Variants in DNAH17 observed in about 807,000 individuals in gnomAD.
DNAH17 encodes dynein axonemal heavy chain 17.
DNAH17 carries 376 observed loss-of-function variants against 485.6 expected under a neutral mutation model. The observed-to-expected ratio is 0.77, with a 90% CI of 0.71 to 0.84. The LOEUF is 0.84. DNAH17 is among the 40% of genes least tolerant of loss of function. The probability of loss-of-function intolerance (pLI) is 0.00; values close to 1 mark genes in which losing one functional copy is unlikely to be tolerated. For missense variants in DNAH17, 6,370 were observed against 5,839.3 expected (o/e 1.09, Z -2.96); for synonymous variants, 3,031 against 2,405.9 (o/e 1.26, Z -7.60).
At chr17:78,570,218 A>G in intron 7 of DNAH17, 29 bp downstream of exon 7, 1 of 1,558,534 alleles carries the variant, frequency 6.4e-7, no homozygotes, top group Non-Finnish European at 8.7e-7. Flanking sequence ...GAGGGGAGGA[A>G]GGGGACCCAG....
At chr17:78,575,460 G>A (rs958721372) in intron 1 of DNAH17, among the ~76,000 whole-genome samples, 2 of 152,202 alleles carry the variant, frequency 1.3e-5, no homozygotes, top group Admixed American at 6.5e-5. Context: ...GAGGCTGGGG[G>A]GTCAGGTTGA....
chr17:78,453,289 C>A, intron 65 of DNAH17, 54 bp downstream of exon 65: 1 of 1,597,644 alleles, frequency 6.3e-7, no homozygotes, highest in Non-Finnish European at 8.5e-7. Context: ...ACGCCCAGGC[C>A]TCGGGCCTGA....
rs371019592 is a variant in DNAH17 at position 78,430,247 on chromosome 17, CAT to C, written c.12226-949_12226-948del. On this transcript the variant is annotated intron_variant, in intron 75 of 80. Coordinates refer to ENST00000389840, the MANE Select transcript of DNAH17 (RefSeq NM_173628.4). ...CGGTGGGAGCCACGGATTGAGGCCA[CAT>C]GTGTCATTTTAAATTTTGTGGCAGC... Among the ~76,000 whole-genome samples the C allele has an allele frequency of 1.6e-3, 237 of 152,318 alleles. 1 individual carries two copies. Among genetic ancestry groups the C allele is most frequent in the African/African-American group, 4.9e-3 (204 of 41,564 alleles).
intron 24 of DNAH17, among the ~76,000 whole-genome samples, chr17:78,526,433 T>C (rs997108091): frequency 2.0e-5 from 3 of 152,064 alleles, no homozygotes; most frequent in Non-Finnish European, 4.4e-5. Flanking sequence ...GGGGACACCA[T>C]GTGGTCTGGG....
Position 78,562,180 on chromosome 17 carries a change from G to A in DNAH17, c.1570-200C>T, listed in dbSNP as rs192267907. Among the ~76,000 whole-genome samples, 11 of 152,304 alleles carry A rather than the reference G, an allele frequency of 7.2e-5. No individual in the cohort carries two copies. The East Asian group carries it at 9.6e-4, about 13-fold the overall frequency. ...TATGCTTTTCTCATTGACTTAGGCC[G>A]AGTCCCCAAATACTTGGCTTATAAT... is the stretch of plus-strand genomic sequence containing the variant. On this transcript the variant is annotated intron_variant, in intron 11 of 80. Transcript: ENST00000389840.
chr17:78,571,877 A>G, intron 3 of DNAH17, 95 bp from the exon 4 acceptor site: 2 of 1,227,904 alleles, frequency 1.6e-6, no homozygotes, highest in Non-Finnish European at 2.3e-6. Context: ...CCAATCCCAA[A>G]CCACCAGCAG....
intron 26 of DNAH17, among the ~76,000 whole-genome samples, chr17:78,513,793 C>T (rs2090701923): frequency 1.3e-5 from 2 of 152,134 alleles, no homozygotes; most frequent in South Asian, 4.1e-4. Context: ...AGCCAGGGAA[C>T]CTAAGATGGA....
At chr17:78,563,111 A>G (rs1224995356) in intron 11 of DNAH17, among the ~76,000 whole-genome samples, 1 of 152,250 alleles carries the variant, frequency 6.6e-6, no homozygotes, top group Non-Finnish European at 1.5e-5. Flanking sequence ...TCAGGCCCCC[A>G]AGAGTACAGA....
chr17:78,567,813 C>G (rs938591325), intron 9 of DNAH17, among the ~76,000 whole-genome samples: 5 of 152,154 alleles, frequency 3.3e-5, no homozygotes, highest in African/African-American at 1.2e-4. Flanking sequence ...ACGTTCAGGC[C>G]CATCCCGTTA....
At chr17:78,433,680 G>C (rs691277) in intron 75 of DNAH17, among the ~76,000 whole-genome samples, 24,831 of 152,014 alleles carry the variant, frequency 0.16, 2,142 homozygotes, top group Middle Eastern at 0.21. Flanking sequence ...CCCTGTGGTG[G>C]CAGGATTCTG....
Position 78,429,217 on chromosome 17 carries a change from G to T in DNAH17, c.12309C>A (p.Cys4103Ter). Residue 4103 changes from cysteine (C) to a stop codon, truncating the protein, a stop_gained, in exon 76 of 81, where the codon TGC (cysteine) becomes TGA (stop). Coordinates refer to ENST00000389840, the MANE Select transcript of DNAH17 (RefSeq NM_173628.4). LOFTEE classifies it high-confidence loss of function. ...HITDDWDRRL[C>*]RTYLAEYIRT... Reference sequence around the variant, plus strand: ...GGATGTATTCAGCCAGGTAGGTCCTGCACAGCCGACGGTCCCAGTCATCTG... The same window carrying T: ...GGATGTATTCAGCCAGGTAGGTCCTTCACAGCCGACGGTCCCAGTCATCTG... 1 of 1,613,850 alleles carries T rather than the reference G, an allele frequency of 6.2e-7. No homozygotes were observed. The highest frequency in any genetic ancestry group is 8.5e-7 in the Non-Finnish European group (1 of 1,179,892).
Position 78,494,143 on chromosome 17 carries a change from G to A in DNAH17, c.6301C>T (p.Leu2101=), listed in dbSNP as rs1185938246. ...IIKQSIVELK[L]QAEDSFVLKV... is the part of the protein sequence containing the mutation. ...AGCACGAAGCTGTCCTCCGCCTGCA[G>A]CTTGAGCTCCACGATGCTCTGCTTG... The change falls in exon 41 of 81, where the codon CTG becomes TTG. Residue 2101 remains leucine (L), a synonymous_variant. Coordinates refer to ENST00000389840, the MANE Select transcript of DNAH17 (RefSeq NM_173628.4). 9.9e-6 allele frequency: 16 copies of A among 1,612,704 alleles called. No homozygotes were observed. The highest frequency in any genetic ancestry group is 1.4e-5 in the Non-Finnish European group (16 of 1,179,826).
chr17:78,478,588 CACT>C (rs1374840724), intron 51 of DNAH17, among the ~76,000 whole-genome samples: 14 of 151,002 alleles, frequency 9.3e-5, no homozygotes, highest in African/African-American at 2.0e-4. Context: ...TTACCACCAT[CACT>C]ACCACTGTCA....
rs1384355241 is a variant in DNAH17, at chr17:78,479,341, C to A, written c.7900+144G>T. The A allele has an allele frequency of 2.5e-6, 3 of 1,195,418 alleles. No homozygotes were observed. The African/African-American group carries it at 4.6e-5, about 18-fold the overall frequency. The allele number at this position is 1,195,418 out of a possible 1,614,324, so 74.1% of individuals were successfully genotyped here. ...ATGAAGCAATTGTATTTCACAATTT[C>A]TCCTGTCGAAACATAGCATCGTTTT... is the stretch of plus-strand genomic sequence containing the variant. On this transcript the variant is annotated intron_variant, in intron 50 of 80. Transcript: ENST00000389840.
chr17:78,476,005 C>A (rs1047336881), intron 52 of DNAH17, 172 bp from the exon 53 acceptor site: 7 of 666,542 alleles, frequency 1.1e-5, no homozygotes, highest in Non-Finnish European at 1.8e-5. Context: ...ACCACTGGGG[C>A]AAAATTTCCT....
chr17:78,482,212 C>G (rs1188056154), intron 48 of DNAH17, among the ~76,000 whole-genome samples: 3 of 151,678 alleles, frequency 2.0e-5, no homozygotes, highest in East Asian at 1.9e-4. Flanking sequence ...ACTACCATGC[C>G]CGGCTAAGTT....
chr17:78,571,586 G>A lies in DNAH17; in HGVS notation c.732+4C>T, dbSNP rs373241969. 31 of 1,613,544 alleles carry A rather than the reference G, an allele frequency of 1.9e-5. No homozygotes were observed. Among genetic ancestry groups the A allele is most frequent in the Middle Eastern group, 1.6e-4 (1 of 6,068 alleles). On this transcript the variant is annotated splice_donor_region_variant and intron_variant, in intron 4 of 80. Coordinates refer to ENST00000389840, the MANE Select transcript of DNAH17 (RefSeq NM_173628.4). ...GCAGCCCCACAGGAGAGAGGAGGCC[G>A]TACCTGTTCATGGATGCACTTGAGG...
rs764433009 is a variant in DNAH17, at chr17:78,451,660, C to T, written c.10543G>A (p.Gly3515Ser). Residue 3515 changes from glycine to serine, a missense_variant, in exon 66 of 81, where the codon GGT becomes AGT. By Grantham distance (56) the Gly-to-Ser change is moderately conservative. Transcript: ENST00000389840. ...TIKKGKYIKIGDKEVEYHPKF... is the reference protein window; with the variant it reads ...TIKKGKYIKISDKEVEYHPKF... ...GGGTGGTACTCCACCTCCTTGTCACCGATCTTAATGTACCTGGCGGTTGGT... is the reference window on the plus strand; with the variant it reads ...GGGTGGTACTCCACCTCCTTGTCACTGATCTTAATGTACCTGGCGGTTGGT... The T allele has an allele frequency of 3.1e-5, 49 of 1,573,572 alleles. 1 individual carries two copies. The highest frequency in any genetic ancestry group is 2.5e-4 in the East Asian group (11 of 43,420).
intron 19 of DNAH17, among the ~76,000 whole-genome samples, chr17:78,533,978 G>A (rs1418886439): frequency 2.0e-5 from 3 of 152,140 alleles, no homozygotes; most frequent in Non-Finnish European, 2.9e-5. Flanking sequence ...GAGCCAATGC[G>A]CCCAGCCCAA....
Sources: allele counts gnomAD v4.1 joint callset (sites outside exome capture counted in the v4.1 genomes callset), GRCh38; gene constraint gnomAD v4.1.1; transcripts MANE v1.5; gene names NCBI Gene and HGNC (gene_info 2026-07-23, HGNC 2026-07-21).